The following PDE12 variants were observed in gnomAD, a reference collection of about 807,000 sequenced individuals.
PDE12 encodes the protein 2',5'-phosphodiesterase 12.
Under a neutral mutation model 45.4 loss-of-function variants are expected in PDE12, and 26 were observed. The ratio of observed to expected loss-of-function variants is 0.57; its 90% CI spans 0.42 to 0.79. PDE12 has a LOEUF of 0.79. Ranked by LOEUF, PDE12 falls within the 30% of genes least tolerant of loss-of-function variation. The probability of loss-of-function intolerance (pLI) is 0.00; values close to 1 mark genes in which losing one functional copy is unlikely to be tolerated. For missense variants in PDE12, 668 were observed against 790.0 expected (o/e 0.85, Z 1.85); for synonymous variants, 283 against 323.9 (o/e 0.87, Z 1.36).
At chr3:57,653,836 T>C in the PDE12 span, among the ~76,000 whole-genome samples, 2 of 151,732 alleles carry the variant, frequency 1.3e-5, no homozygotes, top group African/African-American at 4.8e-5. Flanking sequence ...ACTGGGTTTT[T>C]TTTTTTTAGT....
chr3:57,558,585 G>T (rs889242050), intron 1 of PDE12, among the ~76,000 whole-genome samples: 1 of 152,108 alleles, frequency 6.6e-6, no homozygotes, highest in Non-Finnish European at 1.5e-5. Flanking sequence ...CCGCCTCCCG[G>T]GTTCAAGCGA....
At chr3:57,605,096 C>A in the PDE12 span, among the ~76,000 whole-genome samples, 41 of 152,068 alleles carry the variant, frequency 2.7e-4, no homozygotes, top group African/African-American at 9.7e-4. Context: ...ACAATGATTC[C>A]TAAAAGAGAA....
At chr3:57,589,672 C>T in the PDE12 span, among the ~76,000 whole-genome samples, 3 of 148,464 alleles carry the variant, frequency 2.0e-5, no homozygotes, top group East Asian at 2.1e-4. Flanking sequence ...GAGCCCATAC[C>T]GCGCCACGGC....
chr3:57,604,488 A>T, the PDE12 span, among the ~76,000 whole-genome samples: 4 of 152,112 alleles, frequency 2.6e-5, no homozygotes, highest in African/African-American at 9.6e-5. Context: ...AAAGCTGGGC[A>T]TGGTGGCCCA....
At chr3:57,597,100 C>A in the PDE12 span, 1 of 1,613,990 alleles carries the variant, frequency 6.2e-7, no homozygotes. Flanking sequence ...CTGCTTCTTG[C>A]CAAATAGTCG....
the PDE12 span, among the ~76,000 whole-genome samples, chr3:57,644,686 G>A: frequency 1.9e-5 from 2 of 103,948 alleles, no homozygotes; most frequent in African/African-American, 3.6e-5. Flanking sequence ...GGGCAACAGG[G>A]AAGGGAGGGG....
chr3:57,610,081 T>A, the PDE12 span, among the ~76,000 whole-genome samples: 1 of 152,078 alleles, frequency 6.6e-6, no homozygotes, highest in East Asian at 1.9e-4. Context: ...TGGTTCAACA[T>A]ACGCAAATCA....
chr3:57,584,310 A>G, the PDE12 span: 23 of 1,286,080 alleles, frequency 1.8e-5, no homozygotes, highest in Non-Finnish European at 2.6e-5. Flanking sequence ...ACAAAAAGAC[A>G]ATCTCAAAAC....
At chr3:57,653,744 TA>T in the PDE12 span, among the ~76,000 whole-genome samples, 164 of 84,716 alleles carry the variant, frequency 1.9e-3, no homozygotes, top group Middle Eastern at 9.4e-3. Context: ...AGACTCCATC[TA>T]AAAAAAAAAA....
At chr3:57,570,639 A>C (rs1448588188), downstream of PDE12, among the ~76,000 whole-genome samples, 1 of 152,176 alleles carries the variant, frequency 6.6e-6, no homozygotes, top group Non-Finnish European at 1.5e-5. Flanking sequence ...CAACATGAGA[A>C]TATAGACAGA....
At chr3:57,628,737 G>T in the PDE12 span, 6 of 1,455,276 alleles carry the variant, frequency 4.1e-6, no homozygotes, top group Middle Eastern at 1.8e-4. Flanking sequence ...ACTATCATGG[G>T]TTGTCAGCTC....
At chr3:57,646,628 A>T in the PDE12 span, among the ~76,000 whole-genome samples, 5 of 152,360 alleles carry the variant, frequency 3.3e-5, no homozygotes, top group Admixed American at 2.0e-4. Flanking sequence ...CCACATAAAA[A>T]TATCTATCAA....
At chr3:57,572,868 A>G in the PDE12 span, among the ~76,000 whole-genome samples, 1 of 152,096 alleles carries the variant, frequency 6.6e-6, no homozygotes, top group Non-Finnish European at 1.5e-5. Flanking sequence ...CGTTTCCCAT[A>G]AAACTAAACT....
At chr3:57,597,941 C>G in the PDE12 span, 1 of 152,332 alleles carries the variant, frequency 6.6e-6, no homozygotes, top group East Asian at 1.9e-4. Flanking sequence ...CCCTAATGAG[C>G]TAGGGCTAGA....
the PDE12 span, among the ~76,000 whole-genome samples, chr3:57,607,088 C>A: frequency 1.3e-5 from 2 of 152,134 alleles, no homozygotes; most frequent in Non-Finnish European, 2.9e-5. Context: ...TGCTGTTTAG[C>A]AATATTCATG....
the PDE12 span, chr3:57,641,535 T>G: frequency 4.1e-6 from 3 of 736,178 alleles, no homozygotes; most frequent in Non-Finnish European, 6.1e-6. Flanking sequence ...AATTATACCC[T>G]TCTCCAAAGG....
chr3:57,561,691 CCA>C lies in PDE12; in HGVS notation c.*1688_*1689del, dbSNP rs1351881013. 2.0e-6 allele frequency: 2 copies of C among 984,752 alleles called. No homozygotes were observed. The highest frequency in any genetic ancestry group is 1.2e-6 in the Non-Finnish European group (1 of 829,514). The allele number at this position is 984,752 out of a possible 1,614,324, so 61.0% of individuals were successfully genotyped here. On this transcript the variant is annotated 3_prime_UTR_variant, in exon 3 of 3. Coordinates refer to ENST00000311180, the MANE Select transcript of PDE12 (RefSeq NM_177966.7). ...CCTTCAAGAAAAGCTTTGATTTTCC[CCA>C]GTCATGAAAGCCCTTGTTTCAAATT... is the stretch of plus-strand genomic sequence containing the variant.
At chr3:57,612,539 G>A in the PDE12 span, among the ~76,000 whole-genome samples, 1 of 151,986 alleles carries the variant, frequency 6.6e-6, no homozygotes, top group Non-Finnish European at 1.5e-5. Context: ...TTTGGAGGCC[G>A]AGGCGGGCGG....
chr3:57,604,617 T>TGGGGG, the PDE12 span, among the ~76,000 whole-genome samples: 1 of 8,334 alleles, frequency 1.2e-4, no homozygotes, highest in African/African-American at 4.2e-4. Flanking sequence ...TTTTTTTTTT[T>TGGGGG]GGGGGGGGTG....
Sources: allele counts gnomAD v4.1 joint callset (sites outside exome capture counted in the v4.1 genomes callset), GRCh38; gene constraint gnomAD v4.1.1; transcripts MANE v1.5; gene names NCBI Gene and HGNC (gene_info 2026-07-23, HGNC 2026-07-21).